C8orf88: variants seen among roughly 807,000 people sequenced by gnomAD.
The protein encoded by C8orf88 is uncharacterized protein C8orf88.
In C8orf88, 14 loss-of-function variants were observed where a neutral mutation model predicts 18.4. The ratio of observed to expected loss-of-function variants is 0.76; its 90% CI spans 0.50 to 1.19. C8orf88 has a LOEUF of 1.19. Ranked by LOEUF, C8orf88 falls within the 50% of genes most tolerant of loss-of-function variation. The probability of loss-of-function intolerance (pLI) is 0.00; values close to 1 mark genes in which losing one functional copy is unlikely to be tolerated. For missense variants in C8orf88, 116 were observed against 134.7 expected, an observed-to-expected ratio of 0.86 and a Z score of 0.69; for synonymous variants, 45 against 42.9, an observed-to-expected ratio of 1.05 and a Z score of -0.19.
intron 2 of C8orf88, among the ~76,000 whole-genome samples, chr8:90,979,292 G>A (rs141322436): frequency 6.6e-6 from 1 of 152,252 alleles, no homozygotes; most frequent in Non-Finnish European, 1.5e-5. Flanking sequence ...GAGATGAAGG[G>A]GGGTGGGAGT....
chr8:90,984,790 T>G (rs1811481088), intron 1 of C8orf88, among the ~76,000 whole-genome samples: 1 of 152,190 alleles, frequency 6.6e-6, no homozygotes, highest in Non-Finnish European at 1.5e-5. Flanking sequence ...CACCAGGTGC[T>G]GGGGCAGAGC....
chr8:90,964,977 C>T lies in C8orf88; in HGVS notation c.224-4129G>A, dbSNP rs532675880. Among the ~76,000 whole-genome samples the T allele has an allele frequency of 6.6e-5, 10 of 151,164 alleles. No homozygotes were observed. In the South Asian group the frequency reaches 1.9e-3, roughly 28 times the overall value. ...GGAGGAATTAAGTAACAAAAAAAGA[C>T]GTATAGAAGACAAATAGCAAAATGG... On this transcript the variant is annotated intron_variant, in intron 4 of 5. Transcript: ENST00000517562.
intron 5 of C8orf88, chr8:90,959,539 T>G (rs1811095110): frequency 6.6e-6 from 1 of 151,522 alleles, no homozygotes; most frequent in South Asian, 2.1e-4. Context: ...TATTTAATAT[T>G]TATGCATGAG....
intron 2 of C8orf88, 147 bp from the exon 3 acceptor site, chr8:90,978,799 T>A: frequency 2.0e-6 from 1 of 494,656 alleles, no homozygotes; most frequent in Non-Finnish European, 3.6e-6. Flanking sequence ...CATCCAACCT[T>A]ATGAAATGTC....
At chr8:90,982,886 A>G (rs983077455) in intron 1 of C8orf88, among the ~76,000 whole-genome samples, 3 of 152,170 alleles carry the variant, frequency 2.0e-5, no homozygotes, top group Non-Finnish European at 4.4e-5. Context: ...AGTATTTATA[A>G]AAAGTAATTA....
At chr8:90,980,256 C>G in intron 2 of C8orf88, 107 bp downstream of exon 2, 1 of 637,946 alleles carries the variant, frequency 1.6e-6, no homozygotes, top group Non-Finnish European at 2.3e-6. Context: ...TTCATTATTT[C>G]TTTAAATATC....
chr8:90,961,322 C>A (rs1811123546), intron 4 of C8orf88, among the ~76,000 whole-genome samples: 1 of 150,812 alleles, frequency 6.6e-6, no homozygotes, highest in African/African-American at 2.4e-5. Flanking sequence ...TGAATAGGAC[C>A]CAAGATAGGG....
intron 3 of C8orf88, among the ~76,000 whole-genome samples, chr8:90,974,705 T>G (rs1047320560): frequency 2.6e-5 from 4 of 151,918 alleles, no homozygotes; most frequent in African/African-American, 7.2e-5. Flanking sequence ...CACAAAGAAA[T>G]AAAAAGTTCT....
At chr8:90,964,947 A>C (rs1811173689) in intron 4 of C8orf88, among the ~76,000 whole-genome samples, 1 of 151,568 alleles carries the variant, frequency 6.6e-6, no homozygotes. Flanking sequence ...ACACAAAAAT[A>C]TAATGGAGGA....
chr8:90,982,993 G>A (rs192709085), intron 1 of C8orf88, among the ~76,000 whole-genome samples: 5 of 152,176 alleles, frequency 3.3e-5, no homozygotes, highest in Admixed American at 3.3e-4. Flanking sequence ...AGACTTAACT[G>A]CACTACAAAG....
At chr8:90,966,057 A>C (rs1434121857) in intron 4 of C8orf88, among the ~76,000 whole-genome samples, 1 of 151,772 alleles carries the variant, frequency 6.6e-6, no homozygotes, top group Non-Finnish European at 1.5e-5. Flanking sequence ...GAGACTATAA[A>C]AACAACAGAG....
intron 4 of C8orf88, among the ~76,000 whole-genome samples, chr8:90,964,478 A>C (rs1373973969): frequency 2.0e-5 from 3 of 151,684 alleles, no homozygotes; most frequent in Non-Finnish European, 4.4e-5. Flanking sequence ...AAATACTGAC[A>C]GTTTACTGCT....
intron 4 of C8orf88, among the ~76,000 whole-genome samples, chr8:90,963,661 A>G (rs765452842): frequency 2.4e-4 from 36 of 151,868 alleles, no homozygotes; most frequent in Non-Finnish European, 3.5e-4. Context: ...GAGAAGTACA[A>G]TAACGGAAAT....
intron 4 of C8orf88, among the ~76,000 whole-genome samples, chr8:90,963,378 T>C (rs776707241): frequency 1.3e-5 from 2 of 151,724 alleles, no homozygotes; most frequent in Non-Finnish European, 2.9e-5. Context: ...CAGCCACATT[T>C]ATAACATTCA....
At chr8:90,968,284 T>C (rs373773518) in intron 4 of C8orf88, among the ~76,000 whole-genome samples, 24 of 151,756 alleles carry the variant, frequency 1.6e-4, no homozygotes, top group Admixed American at 1.3e-4. Context: ...CATACACCTA[T>C]AGTCAACTGA....
In C8orf88 at chr8:90,978,661, A is replaced by G; in HGVS notation, c.74-9T>C. On this transcript the variant is annotated splice_polypyrimidine_tract_variant and intron_variant, in intron 2 of 5. Transcript: ENST00000517562. ...GAAAGGGAACACTGCTCCTGTTAGG[A>G]GAGGAAGAAAACAATTTCATAGATC... 6.7e-7 allele frequency: 1 copy of G among 1,485,786 alleles called. No homozygotes were observed. Among genetic ancestry groups the G allele is most frequent in the Non-Finnish European group, 9.0e-7 (1 of 1,111,824 alleles). 92.0% of individuals were successfully genotyped at this position (1,485,786 alleles called of 1,614,324 possible).
At chr8:90,972,283 T>C (rs763923893) in intron 3 of C8orf88, among the ~76,000 whole-genome samples, 17 of 152,092 alleles carry the variant, frequency 1.1e-4, no homozygotes, top group Admixed American at 3.9e-4. Flanking sequence ...GAAACAAGAA[T>C]GTAAAAAGAA....
At chr8:90,961,936 G>C (rs910836990) in intron 4 of C8orf88, among the ~76,000 whole-genome samples, 1 of 151,400 alleles carries the variant, frequency 6.6e-6, no homozygotes, top group Admixed American at 6.6e-5. Flanking sequence ...ATTATATGCT[G>C]TCTGCAAGAG....
chr8:90,978,348 T>A (rs565060944), intron 3 of C8orf88, among the ~76,000 whole-genome samples: 1 of 152,322 alleles, frequency 6.6e-6, no homozygotes, highest in African/African-American at 2.4e-5. Context: ...ATATAGAGTT[T>A]GTAACTATAT....
Sources: gnomAD v4.1 joint callset for allele counts (sites outside exome capture counted in the v4.1 genomes callset) on GRCh38, gnomAD v4.1.1 for gene constraint, MANE v1.5 for transcripts, NCBI Gene and HGNC (gene_info 2026-07-23, HGNC 2026-07-21) for gene names.